DMBT1: variants seen among roughly 807,000 people sequenced by gnomAD.
DMBT1 encodes scavenger receptor cysteine-rich domain-containing protein DMBT1.
DMBT1 carries 198 observed loss-of-function variants against 252.9 expected under a neutral mutation model. That is an observed-to-expected ratio of 0.78 (90% CI 0.70 to 0.88). The LOEUF (loss-of-function observed/expected upper bound fraction) is 0.88. Among genes scored for constraint, DMBT1 ranks in the 40% least tolerant of loss-of-function variants. DMBT1 has a pLI of 0.00. For missense variants in DMBT1, 2,432 were observed against 2,404.7 expected, an observed-to-expected ratio of 1.01 and a Z score of -0.24; for synonymous variants, 990 against 942.7, an observed-to-expected ratio of 1.05 and a Z score of -0.92.
At position 122,600,205 on chromosome 10, in the gene DMBT1, A is replaced by T; in HGVS notation, c.3310+112A>T. The stretch of plus-strand genomic sequence containing the variant: ...CTGTGTGGATACTGTGGGGCATATT[A>T]TTTCTACCCCCAACACCAGTTGTGT... On this transcript the variant is annotated intron_variant, in intron 27 of 55. Transcript: ENST00000338354. The T allele has an allele frequency of 3.5e-6, 5 of 1,419,352 alleles. No homozygotes were observed. In the East Asian group the frequency reaches 7.2e-5, roughly 20 times the overall value. The allele number at this position is 1,419,352 out of a possible 1,614,324, so 87.9% of individuals were successfully genotyped here.
Position 122,619,315 on chromosome 10 carries a change from G to T in DMBT1, c.5223G>T (p.Gln1741His). ...CTCTTCTCTTTCTCACAGCTGCTCA[G>T]TCCCAGTCAACGCCCAGGCCAGGTG... ...EDAGVICSAA[Q>H]SQSTPRPDTW... Residue 1741 changes from glutamine to histidine, a missense_variant, in exon 42 of 56, where the codon CAG (glutamine) becomes CAT (histidine). Physicochemically the swap from Gln to His is conservative, Grantham distance 24. Coordinates refer to ENST00000338354, the MANE Select transcript of DMBT1 (RefSeq NM_001377530.1). 6.2e-7 allele frequency: 1 copy of T among 1,613,914 alleles called. No individual in the cohort carries two copies. The highest frequency in any genetic ancestry group is 2.2e-5 in the East Asian group (1 of 44,866).
rs865904153 is a variant in DMBT1, at chr10:122,624,455, G to T, written c.5609-822G>T. 7.9e-5 allele frequency among the ~76,000 whole-genome samples: 12 copies of T among 152,232 alleles called. No individual in the cohort carries two copies. The East Asian group carries it at 2.1e-3, about 27-fold the overall frequency. On this transcript the variant is annotated intron_variant, in intron 44 of 55. Coordinates refer to ENST00000338354, the MANE Select transcript of DMBT1 (RefSeq NM_001377530.1). Reference sequence around the variant, plus strand: ...ACCCAGAAACCTTGGCCTTCTGGAAGAATTCTGAACTTCACTTGACCTCAG... The same window carrying T: ...ACCCAGAAACCTTGGCCTTCTGGAATAATTCTGAACTTCACTTGACCTCAG...
chr10:122,577,069 G>A (rs996376348), intron 7 of DMBT1, among the ~76,000 whole-genome samples: 1 of 152,212 alleles, frequency 6.6e-6, no homozygotes, highest in Non-Finnish European at 1.5e-5. Context: ...ACATTGGTTT[G>A]GAGGTGACTG....
At chr10:122,629,721 A>G (rs1024444586) in intron 46 of DMBT1, 119 bp from the exon 47 acceptor site, 6 of 1,244,092 alleles carry the variant, frequency 4.8e-6, no homozygotes, top group Non-Finnish European at 6.7e-6. Flanking sequence ...TTACAGGGAA[A>G]GTTAAGTCTT....
rs1250871065 is a variant in DMBT1 at position 122,598,796 on chromosome 10, G to A, written c.2979G>A (p.Leu993=). The part of the protein sequence containing the change: ...STVGSESSLA[L]RLVNGGDRCQ... ...TAGGATCTGAATCCAGTTTGGCCCT[G>A]AGGCTGGTGAATGGAGGTGACAGGT... The change falls in exon 26 of 56, where the codon CTG becomes CTA. Residue 993 remains leucine, a synonymous_variant. Coordinates refer to ENST00000338354, the MANE Select transcript of DMBT1 (RefSeq NM_001377530.1). 2 of 1,613,422 alleles carry A rather than the reference G, an allele frequency of 1.2e-6. No individual in the cohort carries two copies. Among genetic ancestry groups the A allele is most frequent in the Non-Finnish European group, 8.5e-7 (1 of 1,179,736 alleles).
chr10:122,636,149 G>A lies in DMBT1; in HGVS notation c.6707G>A (p.Arg2236Lys). The A allele has an allele frequency of 6.2e-7, 1 of 1,613,986 alleles. No homozygotes were observed. The highest frequency in any genetic ancestry group is 8.5e-7 in the Non-Finnish European group (1 of 1,179,878). Residue 2236 changes from arginine (R) to lysine (K), a missense_variant, in exon 53 of 56, where the codon AGG (arginine) becomes AAG (lysine). Around this residue, in one of 3 missense-constraint regions of DMBT1, gnomAD observed 1,162 missense variants for 1,169.0 expected, o/e 0.99. Transcript: ENST00000338354. ...TTCATCAGTGACCACAGCATCACAAGGAGAGGGTTCCGGGCTGAGTACTAC... is the reference window on the plus strand; with the variant it reads ...TTCATCAGTGACCACAGCATCACAAAGAGAGGGTTCCGGGCTGAGTACTAC... ...IRFISDHSIT[R>K]RGFRAEYYSS...
intron 5 of DMBT1, among the ~76,000 whole-genome samples, chr10:122,573,234 G>A (rs1046645851): frequency 3.3e-5 from 5 of 152,350 alleles, no homozygotes; most frequent in East Asian, 1.9e-4. Context: ...CCCCAAGGGG[G>A]CATCGTCCTC....
chr10:122,628,460 A>C (rs2098134287), intron 46 of DMBT1, among the ~76,000 whole-genome samples: 1 of 152,120 alleles, frequency 6.6e-6, no homozygotes, highest in South Asian at 2.1e-4. Flanking sequence ...ACGTGGTGAA[A>C]CCCTGTCTCT....
At chr10:122,586,629 G>A (rs1406165671) in intron 16 of DMBT1, among the ~76,000 whole-genome samples, 1 of 148,460 alleles carries the variant, frequency 6.7e-6, no homozygotes, top group Non-Finnish European at 1.5e-5. Flanking sequence ...GGCAGCGCAA[G>A]CAGAGGGAGA....
chr10:122,579,765 T>A lies in DMBT1; in HGVS notation c.867T>A (p.Phe289Leu), dbSNP rs767709598. ...TGTCAGCCCCAGGAAATGCCCAGTT[T>A]GGCCAGGGCTCAGGACCCATTGTCC... Reference protein sequence around the residue: ...WAMSAPGNAQFGQGSGPIVLD... With the variant: ...WAMSAPGNAQLGQGSGPIVLD... The change falls in exon 10 of 56, where the codon TTT (phenylalanine) becomes TTA (leucine). Residue 289 changes from phenylalanine (F) to leucine (L), a missense_variant. Physicochemically the swap from Phe to Leu is conservative, Grantham distance 22 (BLOSUM62 0). Transcript: ENST00000338354. The A allele has an allele frequency of 6.2e-7, 1 of 1,613,818 alleles. No individual in the cohort carries two copies. Among genetic ancestry groups the A allele is most frequent in the Non-Finnish European group, 8.5e-7 (1 of 1,179,764 alleles).
chr10:122,624,402 C>G (rs993476833), intron 44 of DMBT1, among the ~76,000 whole-genome samples: 1 of 152,212 alleles, frequency 6.6e-6, no homozygotes, highest in African/African-American at 2.4e-5. Context: ...CCGTCAATGT[C>G]TATGCTGCTG....
At chr10:122,591,792 C>T (rs1335934619) in intron 19 of DMBT1, among the ~76,000 whole-genome samples, 1 of 149,162 alleles carries the variant, frequency 6.7e-6, no homozygotes, top group Non-Finnish European at 1.5e-5. Flanking sequence ...CTCCCTACTC[C>T]TGGGACCTCA....
chr10:122,573,850 A>G (rs1336181926), intron 6 of DMBT1, 88 bp downstream of exon 6: 4 of 1,531,636 alleles, frequency 2.6e-6, no homozygotes, highest in Non-Finnish European at 3.6e-6. Flanking sequence ...TGCAGAGGGC[A>G]TAGAAAGTAG....
intron 41 of DMBT1, among the ~76,000 whole-genome samples, 164 bp from the exon 42 acceptor site, chr10:122,619,144 T>G (rs75885170): frequency 0.017 from 2,582 of 152,312 alleles, 82 homozygotes; most frequent in East Asian, 0.13. Context: ...GCACCCCTTA[T>G]ATGGTGCATC....
intron 2 of DMBT1, among the ~76,000 whole-genome samples, chr10:122,568,501 T>G: frequency 6.6e-6 from 1 of 151,322 alleles, no homozygotes; most frequent in Admixed American, 6.6e-5. Flanking sequence ...ATAAGCAGGG[T>G]GGTGAGAGGA....
rs996786395 is a variant in DMBT1 at position 122,564,626 on chromosome 10, A to G, written c.62-1341A>G. Among the ~76,000 whole-genome samples, 6 of 112,584 alleles carry G rather than the reference A, an allele frequency of 5.3e-5. No homozygotes were observed. The East Asian group carries it at 1.5e-3, about 28-fold the overall frequency. 73.9% of individuals were successfully genotyped at this position (112,584 alleles called of 152,430 possible). On this transcript the variant is annotated intron_variant, in intron 1 of 55. Coordinates refer to ENST00000338354, the MANE Select transcript of DMBT1 (RefSeq NM_001377530.1). ...TCATAAAAGACAAAAGAATACCATC[A>G]CATGTATTTTTTTTTTTTAGCAAAA...
chr10:122,560,946 C>T, intron 1 of DMBT1, 115 bp downstream of exon 1: 3 of 685,640 alleles, frequency 4.4e-6, no homozygotes, highest in Non-Finnish European at 7.2e-6. Flanking sequence ...GTGGGTAGCA[C>T]TTTGCTGATA....
In DMBT1 at chr10:122,579,699, T is replaced by C. The variant is rs368878444; in HGVS notation, c.801T>C (p.Asp267=). The change falls in exon 10 of 56, where the codon GAT becomes GAC. Residue 267 remains aspartate (D), a synonymous_variant. Coordinates refer to ENST00000338354, the MANE Select transcript of DMBT1 (RefSeq NM_001377530.1). ...GTGATGACTACTGGGACACCAATGA[T>C]GCCAATGTGGTCTGCAGGCAGCTGG... The part of the protein sequence containing the change: ...TVCDDYWDTN[D]ANVVCRQLGC... The C allele has an allele frequency of 3.3e-5, 54 of 1,613,804 alleles. No homozygotes were observed. In the African/African-American group the frequency reaches 6.8e-4, roughly 20 times the overall value.
intron 26 of DMBT1, 94 bp from the exon 27 acceptor site, chr10:122,599,970 A>G: frequency 2.0e-6 from 3 of 1,507,482 alleles, no homozygotes; most frequent in Non-Finnish European, 2.8e-6. Flanking sequence ...GGATGGACTG[A>G]GTGTCAGACT....
Sources: gnomAD v4.1 joint callset for allele counts (sites outside exome capture counted in the v4.1 genomes callset) on GRCh38, gnomAD v4.1.1 for gene constraint, gnomAD v4.1.1 regional missense constraint, MANE v1.5 for transcripts, NCBI Gene and HGNC (gene_info 2026-07-23, HGNC 2026-07-21) for gene names.